The following GALNT5 variants were observed in gnomAD, a reference collection of about 807,000 sequenced individuals.
GALNT5 encodes polypeptide N-acetylgalactosaminyltransferase 5.
GALNT5 carries 72 observed loss-of-function variants against 85.4 expected under a neutral mutation model. The observed-to-expected ratio is 0.84, with a 90% CI of 0.70 to 1.03. The LOEUF (loss-of-function observed/expected upper bound fraction) is 1.03, where lower values mean the gene tolerates loss of function less well. Ranked by LOEUF, GALNT5 falls within the 50% of genes least tolerant of loss-of-function variation. The pLI is 0.00. For synonymous variants in GALNT5, 404 were observed against 397.0 expected (o/e 1.02, Z -0.21); for missense variants, 1,137 against 1,135.5 (o/e 1.00, Z -0.02).
Position 157,305,837 on chromosome 2 carries a change from A to G in GALNT5, c.2520+8A>G. The G allele has an allele frequency of 6.5e-7, 1 of 1,537,246 alleles. No individual in the cohort carries two copies. The highest frequency in any genetic ancestry group is 9.0e-7 in the Non-Finnish European group (1 of 1,110,166). On this transcript the variant is annotated splice_region_variant and intron_variant, in intron 8 of 9. Coordinates refer to ENST00000259056, the MANE Select transcript of GALNT5 (RefSeq NM_014568.3). ...TGCGATGGGAGCAAAGAGGTATGCT[A>G]AACTGTTTTCTATCTCATGGTAGCT...
At chr2:157,289,985 A>C (rs1171844971) in intron 3 of GALNT5, among the ~76,000 whole-genome samples, 1 of 151,430 alleles carries the variant, frequency 6.6e-6, no homozygotes, top group African/African-American at 2.4e-5. Flanking sequence ...GAGGCAGAGA[A>C]TCTCTTGAAC....
In GALNT5 at chr2:157,284,466, G is replaced by C. The variant is rs754037778; in HGVS notation, c.1621+18G>C. 4.4e-6 allele frequency: 7 copies of C among 1,606,414 alleles called. No individual in the cohort carries two copies. In the East Asian group the frequency reaches 1.3e-4, roughly 31 times the overall value. On this transcript the variant is annotated intron_variant, in intron 2 of 9. Coordinates refer to ENST00000259056, the MANE Select transcript of GALNT5 (RefSeq NM_014568.3). The stretch of plus-strand genomic sequence containing the variant: ...CACCAAAGGTAAGAAAACCACTCAG[G>C]CTATCTCTTGAAATTTCAAAGTTTG...
chr2:157,290,677 T>G (rs1329800863), intron 3 of GALNT5, among the ~76,000 whole-genome samples: 1 of 152,130 alleles, frequency 6.6e-6, no homozygotes, highest in East Asian at 1.9e-4. Context: ...GCCTTGATGC[T>G]ACTGTTCCCT....
intron 1 of GALNT5, among the ~76,000 whole-genome samples, chr2:157,269,241 G>C (rs148516337): frequency 1.3e-5 from 2 of 152,182 alleles, no homozygotes; most frequent in African/African-American, 4.8e-5. Context: ...AAGCACACTA[G>C]TTTTGCTAGA....
At chr2:157,260,541 CTG>C (rs1434280360) in intron 1 of GALNT5, among the ~76,000 whole-genome samples, 1 of 152,178 alleles carries the variant, frequency 6.6e-6, no homozygotes, top group Admixed American at 6.5e-5. Flanking sequence ...TGTTCAATAT[CTG>C]TTAACTCAGT....
chr2:157,295,543 A>G, intron 3 of GALNT5, 120 bp from the exon 4 acceptor site: 1 of 725,352 alleles, frequency 1.4e-6, no homozygotes, highest in Non-Finnish European at 2.2e-6. Flanking sequence ...AGAAAAAAAA[A>G]AAAAGGTCAC....
chr2:157,284,314 CA>C lies in GALNT5; in HGVS notation c.1489del (p.Thr497ProfsTer17). The C allele has an allele frequency of 6.2e-7, 1 of 1,614,028 alleles. No homozygotes were observed. The highest frequency in any genetic ancestry group is 2.2e-5 in the East Asian group (1 of 44,880). ...CAEQLVHNNL[P>X]TTSVIMCFVD... ...GAGCAGCTAGTTCACAATAACCTCC[CA>C]ACCACCAGTGTCATCATGTGCTTTG... is the stretch of plus-strand genomic sequence containing the variant. On this transcript the variant is annotated frameshift_variant, in exon 2 of 10. Coordinates refer to ENST00000259056, the MANE Select transcript of GALNT5 (RefSeq NM_014568.3). LOFTEE classifies it high-confidence loss of function.
At chr2:157,297,772 A>C (rs1683245898) in intron 5 of GALNT5, among the ~76,000 whole-genome samples, 1 of 152,222 alleles carries the variant, frequency 6.6e-6, no homozygotes, top group Non-Finnish European at 1.5e-5. Context: ...CAGGCTCTCC[A>C]CAGAAACTAC....
intron 1 of GALNT5, among the ~76,000 whole-genome samples, chr2:157,274,427 C>A (rs1291014889): frequency 6.6e-6 from 1 of 152,188 alleles, no homozygotes; most frequent in Non-Finnish European, 1.5e-5. Context: ...AATGGTTGAA[C>A]TAGTTTACAG....
chr2:157,287,307 A>C lies in GALNT5; in HGVS notation c.1741+1173A>C, dbSNP rs36091057. ...AATCAATTATTACACTGAGGACTGA[A>C]AATTTGCTTTTCTATAATTCATTCT... is the stretch of plus-strand genomic sequence containing the variant. On this transcript the variant is annotated intron_variant, in intron 3 of 9. Transcript: ENST00000259056. 6.8e-3 allele frequency among the ~76,000 whole-genome samples: 1,031 copies of C among 152,224 alleles called. 10 individuals are homozygous for C. Among genetic ancestry groups the C allele is most frequent in the Middle Eastern group, 0.027 (8 of 292 alleles).
chr2:157,295,719 C>A lies in GALNT5; in HGVS notation c.1798C>A (p.Pro600Thr). 1 of 1,611,480 alleles carries A rather than the reference C, an allele frequency of 6.2e-7. No individual in the cohort carries two copies. The highest frequency in any genetic ancestry group is 1.1e-5 in the South Asian group (1 of 91,010). The change falls in exon 4 of 10, where the codon CCT (proline) becomes ACT (threonine). Residue 600 changes from proline (P) to threonine (T), a missense_variant. By Grantham distance (38) the Pro-to-Thr change is conservative. Coordinates refer to ENST00000259056, the MANE Select transcript of GALNT5 (RefSeq NM_014568.3). ...HVECNVGWLE[P>T]LLERVYLSRK... ...GGAATGTAACGTTGGTTGGTTGGAA[C>A]CTCTTCTGGAAAGAGTTTATTTAAG... is the stretch of plus-strand genomic sequence containing the variant.
intron 1 of GALNT5, among the ~76,000 whole-genome samples, chr2:157,264,178 C>T (rs993526204): frequency 3.3e-5 from 3 of 89,772 alleles, no homozygotes; most frequent in Middle Eastern, 4.5e-3. Context: ...CACACATACA[C>T]ACACACACAC....
At chr2:157,260,414 T>C (rs755001610) in intron 1 of GALNT5, among the ~76,000 whole-genome samples, 11 of 152,046 alleles carry the variant, frequency 7.2e-5, no homozygotes, top group Non-Finnish European at 1.3e-4. Context: ...TAAATTCCTA[T>C]AACTATATCA....
intron 7 of GALNT5, 77 bp from the exon 8 acceptor site, chr2:157,305,672 T>A: frequency 1.2e-6 from 1 of 815,120 alleles, no homozygotes; most frequent in South Asian, 1.4e-5. Context: ...TTATATTCTG[T>A]ATTTTCTAAA....
intron 7 of GALNT5, among the ~76,000 whole-genome samples, chr2:157,303,169 A>G (rs554710652): frequency 3.3e-4 from 50 of 152,360 alleles, no homozygotes; most frequent in African/African-American, 1.2e-3. Context: ...TGAAGCTAAT[A>G]ATCTCACCAA....
intron 8 of GALNT5, 25 bp from the exon 9 acceptor site, chr2:157,308,542 A>T (rs757622561): frequency 1.9e-6 from 3 of 1,581,076 alleles, no homozygotes; most frequent in South Asian, 1.2e-5. Flanking sequence ...GCCTGAAGTG[A>T]CCTCTTTATT....
Position 157,258,919 on chromosome 2 carries a change from T to C in GALNT5, c.837T>C (p.Pro279=), listed in dbSNP as rs754567910. The C allele has an allele frequency of 3.9e-6, 6 of 1,551,962 alleles. No homozygotes were observed. The East Asian group carries it at 1.1e-4, about 29-fold the overall frequency. Residue 279 remains proline, a synonymous_variant, in exon 1 of 10, where the codon CCT becomes CCC. Coordinates refer to ENST00000259056, the MANE Select transcript of GALNT5 (RefSeq NM_014568.3). ...AAGCCAATACGAGTCTTCCTTTTCC[T>C]AAGTTCACTGTCAATTCAAATCGCT... The part of the protein sequence containing the change: ...KHKANTSLPF[P]KFTVNSNRLR...
chr2:157,272,695 T>C (rs1682616795), intron 1 of GALNT5, among the ~76,000 whole-genome samples: 1 of 152,184 alleles, frequency 6.6e-6, no homozygotes, highest in Admixed American at 6.5e-5. Flanking sequence ...ATGTTGCTGC[T>C]AAGGAAATGA....
At chr2:157,292,622 G>A (rs947729846) in intron 3 of GALNT5, among the ~76,000 whole-genome samples, 1 of 152,134 alleles carries the variant, frequency 6.6e-6, no homozygotes, top group Non-Finnish European at 1.5e-5. Flanking sequence ...GACTTCATAA[G>A]GCTGCTATGG....
Sources: allele counts gnomAD v4.1 joint callset (sites outside exome capture counted in the v4.1 genomes callset), GRCh38; gene constraint gnomAD v4.1.1; transcripts MANE v1.5; gene names NCBI Gene and HGNC (gene_info 2026-07-23, HGNC 2026-07-21).